Variants in MAP4K4 observed in about 807,000 individuals in gnomAD.
The protein encoded by MAP4K4 is HPK/GCK-like kinase HGK.
A neutral mutation model predicts 189.6 loss-of-function variants in MAP4K4; 38 were observed. That is an observed-to-expected ratio of 0.20 (90% confidence interval 0.15 to 0.26). The LOEUF (loss-of-function observed/expected upper bound fraction) is 0.26. Ranked by LOEUF, MAP4K4 falls within the 10% of genes least tolerant of loss-of-function variation. The probability of loss-of-function intolerance (pLI) is 1.00; values close to 1 mark genes in which losing one functional copy is unlikely to be tolerated. For missense variants in MAP4K4, 1,054 were observed against 1,726.9 expected (o/e 0.61, Z 6.91); for synonymous variants, 610 against 624.3 (o/e 0.98, Z 0.34).
At position 101,797,889 on chromosome 2, in the gene MAP4K4, G is replaced by GTT. The variant is rs58201235; in HGVS notation, c.180+7133_180+7134dup. Among the ~76,000 whole-genome samples, 253 of 52,318 alleles carry GTT rather than the reference G, an allele frequency of 4.8e-3. 25 individuals carry two copies. Among genetic ancestry groups the GTT allele is most frequent in the Non-Finnish European group, 6.5e-3 (196 of 29,932 alleles). 34.3% of individuals were successfully genotyped at this position (52,318 alleles called of 152,430 possible). On this transcript the variant is annotated intron_variant, in intron 3 of 32. Coordinates refer to ENST00000324219, the Ensembl canonical transcript of MAP4K4. ...TGAAGCTTTTTAAAACATTCTTTTA[G>GTT]TTTTTTTTTTTTTTTTTTTTTGGAG... is the stretch of plus-strand genomic sequence containing the variant.
chr2:101,717,795 G>A (rs2049243078), intron 2 of MAP4K4, among the ~76,000 whole-genome samples: 1 of 152,204 alleles, frequency 6.6e-6, no homozygotes, highest in South Asian at 2.1e-4. Context: ...GAACAGAATG[G>A]AGACGGTGAA....
intron 17 of MAP4K4, 56 bp from the exon 18 acceptor site, chr2:101,864,874 A>AT (rs1286057674): frequency 2.9e-5 from 34 of 1,161,294 alleles, no homozygotes; most frequent in South Asian, 5.6e-5. Context: ...GTAGGGAAGT[A>AT]TTTTTTTTCC....
chr2:101,704,567 ATTTTTTTTTT>A (rs57278834), intron 2 of MAP4K4, among the ~76,000 whole-genome samples: 343 of 23,370 alleles, frequency 0.015, 3 homozygotes, highest in Middle Eastern at 0.038. Flanking sequence ...ATATATATAT[ATTTTTTTTTT>A]TTTTTTTTTT....
chr2:101,797,859 C>A (rs968500969), intron 3 of MAP4K4, among the ~76,000 whole-genome samples: 4 of 119,698 alleles, frequency 3.3e-5, no homozygotes, highest in African/African-American at 1.3e-4. Flanking sequence ...ACTGTCTCCT[C>A]CCTATGAAGC....
chr2:101,849,694 C>G (rs1396358170), intron 12 of MAP4K4, among the ~76,000 whole-genome samples: 1 of 150,302 alleles, frequency 6.7e-6, no homozygotes, highest in African/African-American at 2.5e-5. Flanking sequence ...TCATGACACT[C>G]ACACATTTGG....
intron 17 of MAP4K4, 142 bp from the exon 18 acceptor site, chr2:101,864,788 A>G (rs932432467): frequency 6.5e-6 from 4 of 615,954 alleles, no homozygotes; most frequent in Non-Finnish European, 1.2e-5. Flanking sequence ...GGACCAGGGA[A>G]GGAGTTGGGG....
intron 2 of MAP4K4, among the ~76,000 whole-genome samples, chr2:101,769,135 C>T (rs1291886582): frequency 6.6e-6 from 1 of 152,188 alleles, no homozygotes; most frequent in Admixed American, 6.5e-5. Flanking sequence ...GAAATAACTG[C>T]AGTTCACTAT....
chr2:101,708,803 A>G (rs2043830182), intron 2 of MAP4K4, among the ~76,000 whole-genome samples: 1 of 152,208 alleles, frequency 6.6e-6, no homozygotes, highest in South Asian at 2.1e-4. Context: ...CAGGCAACCA[A>G]TAATCTGCCA....
chr2:101,759,551 CCT>C (rs2074962515), intron 2 of MAP4K4, among the ~76,000 whole-genome samples: 1 of 34,392 alleles, frequency 2.9e-5, no homozygotes, highest in Non-Finnish European at 5.3e-5. Context: ...ACTCCCCTCC[CCT>C]CTCCCCTCCC....
At chr2:101,788,048 C>G (rs2091981560) in intron 2 of MAP4K4, among the ~76,000 whole-genome samples, 1 of 151,916 alleles carries the variant, frequency 6.6e-6, no homozygotes, top group South Asian at 2.1e-4. Context: ...AGGTGATCCA[C>G]CTGCCTTGGC....
chr2:101,886,238 C>G (rs2098479031), intron 29 of MAP4K4, among the ~76,000 whole-genome samples: 1 of 152,036 alleles, frequency 6.6e-6, no homozygotes, highest in Non-Finnish European at 1.5e-5. Context: ...TACATATTAC[C>G]TTATTTAAAG....
chr2:101,740,942 C>T (rs1298219465), intron 2 of MAP4K4, among the ~76,000 whole-genome samples: 15 of 152,028 alleles, frequency 9.9e-5, no homozygotes, highest in Non-Finnish European at 7.4e-5. Context: ...GAACTGTTTA[C>T]CCTTAAAATA....
chr2:101,704,567 ATTTTTTTTT>A lies in MAP4K4; in HGVS notation c.123+6044_123+6052del, dbSNP rs57278834. ...TATATATATATATATATATATATAT[ATTTTTTTTT>A]TTTTTTTTTTTTTTGAGATGGTGTC... On this transcript the variant is annotated intron_variant, in intron 2 of 32. Transcript: ENST00000324219. 1.3e-4 allele frequency among the ~76,000 whole-genome samples: 3 copies of A among 23,396 alleles called. 1 individual carries two copies. In the South Asian group the frequency reaches 6.7e-3, roughly 52 times the overall value. 15.3% of individuals were successfully genotyped at this position (23,396 alleles called of 152,430 possible).
At chr2:101,871,246 A>G (rs1428361655) in intron 23 of MAP4K4, among the ~76,000 whole-genome samples, 1 of 152,214 alleles carries the variant, frequency 6.6e-6, no homozygotes, top group Non-Finnish European at 1.5e-5. Context: ...AGCTAGCGCA[A>G]CAGATAAACC....
At chr2:101,711,359 A>G (rs1440716267) in intron 2 of MAP4K4, among the ~76,000 whole-genome samples, 4 of 152,042 alleles carry the variant, frequency 2.6e-5, no homozygotes, top group South Asian at 4.2e-4. Context: ...GGTTCAAGCA[A>G]TTCTCCTGCC....
chr2:101,832,844 G>A (rs1227759224), intron 7 of MAP4K4, among the ~76,000 whole-genome samples: 3 of 147,406 alleles, frequency 2.0e-5, no homozygotes, highest in African/African-American at 7.6e-5. Context: ...TGAAGAGCCT[G>A]GGCCTGTTGT....
intron 3 of MAP4K4, among the ~76,000 whole-genome samples, chr2:101,820,896 T>TA (rs1045554704): frequency 5.9e-5 from 9 of 152,352 alleles, no homozygotes; most frequent in African/African-American, 1.7e-4. Flanking sequence ...GAGCACAAGA[T>TA]AAAACTTTTG....
At chr2:101,827,949 A>G (rs2096437299) in intron 5 of MAP4K4, among the ~76,000 whole-genome samples, 1 of 152,212 alleles carries the variant, frequency 6.6e-6, no homozygotes, top group Non-Finnish European at 1.5e-5. Context: ...TCTGCTAAGG[A>G]AGGATAATTG....
At chr2:101,873,948 T>C (rs1211882150) in intron 25 of MAP4K4, 134 bp from the exon 26 acceptor site, 1 of 837,298 alleles carries the variant, frequency 1.2e-6, no homozygotes, top group African/African-American at 1.7e-5. Context: ...TCCATATACA[T>C]TGCTTACAGA....
Sources: allele counts gnomAD v4.1 joint callset (sites outside exome capture counted in the v4.1 genomes callset), GRCh38; gene constraint gnomAD v4.1.1; transcripts MANE v1.5; gene names NCBI Gene and HGNC (gene_info 2026-07-23, HGNC 2026-07-21).